The following KMT2A variants were observed in gnomAD, a reference collection of about 807,000 sequenced individuals.
The protein encoded by KMT2A is histone-lysine N-methyltransferase 2A.
KMT2A carries 16 observed loss-of-function variants against 345.3 expected under a neutral mutation model. That is an observed-to-expected ratio of 0.05 (90% confidence interval 0.03 to 0.07). KMT2A has a LOEUF of 0.07. KMT2A is among the 10% of genes least tolerant of loss of function. The pLI is 1.00. For missense variants in KMT2A, 3,272 were observed against 4,841.6 expected (o/e 0.68, Z 9.62); for synonymous variants, 1,599 against 1,778.6 (o/e 0.90, Z 2.54).
rs370812470 is a variant in KMT2A at position 118,503,096 on chromosome 11, G to T, written c.7204G>T (p.Val2402Phe). 6.2e-7 allele frequency: 1 copy of T among 1,613,000 alleles called. No individual in the cohort carries two copies. Among genetic ancestry groups the T allele is most frequent in the Non-Finnish European group, 8.5e-7 (1 of 1,180,012 alleles). ...ANSSPDEDTE[V>F]KTLKLSGMSN... ...CTCCTCTCCAGATGAAGATACTGAA[G>T]TCAAAACCTTGAAGCTATCTGGAAT... Residue 2402 changes from valine to phenylalanine, a missense_variant, in exon 27 of 36, where the codon GTC (valine) becomes TTC (phenylalanine). Transcript: ENST00000534358. This position sits in a 1 kb window ranked among gnomAD's most constrained non-coding sequence, Gnocchi z 5.3.
At chr11:118,511,640 G>A (rs528018032) in intron 30 of KMT2A, among the ~76,000 whole-genome samples, 8 of 152,292 alleles carry the variant, frequency 5.3e-5, no homozygotes, top group African/African-American at 1.7e-4. Flanking sequence ...AAACATTCAG[G>A]TGTGAGACCC....
At chr11:118,517,395 C>CAA (rs11436622) in intron 31 of KMT2A, among the ~76,000 whole-genome samples, 5,108 of 113,360 alleles carry the variant, frequency 0.045, 226 homozygotes, top group South Asian at 0.079. Flanking sequence ...GACTCTGTCT[C>CAA]AAAAAAAAAA....
rs782696657 is a variant in KMT2A, at chr11:118,502,902, A to G, written c.7010A>G (p.Gln2337Arg). The change falls in exon 27 of 36, where the codon CAG (glutamine) becomes CGG (arginine). Residue 2337 changes from glutamine (Q) to arginine (R), a missense_variant. Physicochemically the swap from Gln to Arg is conservative, Grantham distance 43. Transcript: ENST00000534358. This position sits in a 1 kb window ranked among gnomAD's most constrained non-coding sequence, Gnocchi z 4.9. ...CCTGGAATTCCTAAACTGGCCCCAC[A>G]GGTTCATAACACAACATCTAGAGAA... is the stretch of plus-strand genomic sequence containing the variant. ...AYPGIPKLAP[Q>R]VHNTTSRELN... 4 of 1,614,204 alleles carry G rather than the reference A, an allele frequency of 2.5e-6. No homozygotes were observed. The East Asian group carries it at 8.9e-5, about 36-fold the overall frequency.
At chr11:118,508,000 T>C (rs1191091519) in intron 28 of KMT2A, among the ~76,000 whole-genome samples, 1 of 152,202 alleles carries the variant, frequency 6.6e-6, no homozygotes, top group Non-Finnish European at 1.5e-5. Context: ...CTGATTCACA[T>C]TGATTTTTGT....
chr11:118,485,662 T>C (rs576395969), intron 10 of KMT2A, among the ~76,000 whole-genome samples: 1 of 152,186 alleles, frequency 6.6e-6, no homozygotes, highest in Non-Finnish European at 1.5e-5. Flanking sequence ...CAAACACTTA[T>C]GGATATAATT....
chr11:118,503,939 T>C lies in KMT2A; in HGVS notation c.8047T>C (p.Tyr2683His), dbSNP rs1555046962. Residue 2683 changes from tyrosine to histidine, a missense_variant, in exon 27 of 36, where the codon TAC (tyrosine) becomes CAC (histidine). Transcript: ENST00000534358. The surrounding 1 kb of genome is among the most constrained non-coding windows in gnomAD (Gnocchi z 5.3). The part of the protein sequence containing the change: ...DLSTSDEDDL[Y>H]YYNFTRTVIS... ...AAGCACTTCAGATGAAGACGACTTA[T>C]ACTATTACAACTTCACTAGAACAGT... 4.3e-6 allele frequency: 7 copies of C among 1,614,050 alleles called. No individual in the cohort carries two copies. The highest frequency in any genetic ancestry group is 2.5e-6 in the Non-Finnish European group (3 of 1,180,030).
intron 1 of KMT2A, chr11:118,448,198 A>G (rs1056842273): frequency 6.6e-6 from 1 of 152,430 alleles, no homozygotes; most frequent in African/African-American, 2.4e-5. Flanking sequence ...AACCAAGGAA[A>G]ACAGTAGGTG....
At chr11:118,453,821 A>G (rs1308788365) in intron 1 of KMT2A, among the ~76,000 whole-genome samples, 1 of 152,212 alleles carries the variant, frequency 6.6e-6, no homozygotes, top group Non-Finnish European at 1.5e-5. Context: ...ATATACATTG[A>G]AGCACTTGGA....
At chr11:118,444,052 A>C (rs1291095424) in intron 1 of KMT2A, among the ~76,000 whole-genome samples, 1 of 152,208 alleles carries the variant, frequency 6.6e-6, no homozygotes, top group Non-Finnish European at 1.5e-5. Context: ...TACAGCATCA[A>C]GGTAATGGTA....
chr11:118,437,612 C>T (rs1288832622), intron 1 of KMT2A, among the ~76,000 whole-genome samples: 2 of 150,006 alleles, frequency 1.3e-5, no homozygotes, highest in African/African-American at 4.9e-5. Flanking sequence ...CTCCTCTGCA[C>T]CTTGCCTGGT....
In KMT2A at chr11:118,505,027, G is replaced by C. The variant is rs782130840; in HGVS notation, c.9135G>C (p.Gln3045His). The C allele has an allele frequency of 6.2e-7, 1 of 1,614,142 alleles. No individual in the cohort carries two copies. The highest frequency in any genetic ancestry group is 8.5e-7 in the Non-Finnish European group (1 of 1,180,026). Residue 3045 changes from glutamine (Q) to histidine (H), a missense_variant, in exon 27 of 36, where the codon CAG becomes CAC. Gln to His is a conservative substitution (Grantham distance 24). Coordinates refer to ENST00000534358, the MANE Select transcript of KMT2A (RefSeq NM_001197104.2). The surrounding 1 kb of genome is among the most constrained non-coding windows in gnomAD (Gnocchi z 4.6). ...CTGTTTCCCCAACTGTTCCCATCCA[G>C]AACCAGAAGTATGTGCCCAATTCTA... is the stretch of plus-strand genomic sequence containing the variant. ...QVPVSPTVPIQNQKYVPNSTD... is the reference protein window; with the variant it reads ...QVPVSPTVPIHNQKYVPNSTD...
Position 118,484,797 on chromosome 11 carries a change from C to T in KMT2A, c.4219-65C>T. 1 of 1,051,214 alleles carries T rather than the reference C, an allele frequency of 9.5e-7. No homozygotes were observed. Among genetic ancestry groups the T allele is most frequent in the East Asian group, 2.4e-5 (1 of 42,330 alleles). The allele number at this position is 1,051,214 out of a possible 1,614,324, so 65.1% of individuals were successfully genotyped here. A position where few individuals can be genotyped will look rare whatever the true frequency, so the allele number is the denominator to read the frequency against. On this transcript the variant is annotated intron_variant, in intron 9 of 35. Transcript: ENST00000534358. The surrounding 1 kb of genome is among the most constrained non-coding windows in gnomAD (Gnocchi z 4.1). ...GTCACACTAATTTTATGCTTTTCAT[C>T]CTTATTTTCCATCCAAAGTTGTGTA...
intron 31 of KMT2A, among the ~76,000 whole-genome samples, chr11:118,516,967 T>C (rs1231080352): frequency 6.6e-6 from 1 of 152,194 alleles, no homozygotes; most frequent in Non-Finnish European, 1.5e-5. Context: ...AGTGTACATA[T>C]TAAAAGGAAC....
rs1950325654 is a variant in KMT2A, at chr11:118,491,651, T to C, written c.4820-93T>C. The C allele has an allele frequency of 3.1e-6, 3 of 979,178 alleles. No individual in the cohort carries two copies. Among genetic ancestry groups the C allele is most frequent in the East Asian group, 2.4e-5 (1 of 41,154 alleles). The allele number at this position is 979,178 out of a possible 1,614,324, so 60.7% of individuals were successfully genotyped here. ...AAATCTTAATGTGGTTCCCAACATA[T>C]GGCTTTATAGTAAGTTCAGTGGAAT... On this transcript the variant is annotated intron_variant, in intron 14 of 35. Transcript: ENST00000534358. This position sits in a 1 kb window ranked among gnomAD's most constrained non-coding sequence, Gnocchi z 4.2.
Position 118,476,689 on chromosome 11 carries a change from G to C in KMT2A, c.3157-116G>C, listed in dbSNP as rs1253014730. On this transcript the variant is annotated intron_variant, in intron 3 of 35. Transcript: ENST00000534358. This position sits in a 1 kb window ranked among gnomAD's most constrained non-coding sequence, Gnocchi z 4.1. ...ATGATTTATCAGCTGGGAATAATTA[G>C]AGTTGTGTGTTTTGATTCTAAATCA... The C allele has an allele frequency of 2.6e-6, 2 of 766,650 alleles. No homozygotes were observed. The highest frequency in any genetic ancestry group is 5.2e-5 in the East Asian group (2 of 38,316). 47.5% of individuals were successfully genotyped at this position (766,650 alleles called of 1,614,324 possible).
chr11:118,442,939 G>C (rs782744952), intron 1 of KMT2A, among the ~76,000 whole-genome samples: 4 of 152,092 alleles, frequency 2.6e-5, no homozygotes, highest in Non-Finnish European at 4.4e-5. Context: ...GACCCAGATG[G>C]CTTCATTGAT....
At chr11:118,438,641 C>T (rs922389810) in intron 1 of KMT2A, among the ~76,000 whole-genome samples, 4 of 152,136 alleles carry the variant, frequency 2.6e-5, no homozygotes, top group African/African-American at 9.7e-5. Flanking sequence ...TATTGTGCCC[C>T]GCACCCCTTT....
chr11:118,525,594 T>TA lies in KMT2A; in HGVS notation c.*3430dup, dbSNP rs61084765. The TA allele has an allele frequency of 4.7e-5, 10 of 214,798 alleles. No homozygotes were observed. The highest frequency in any genetic ancestry group is 6.4e-5 in the Non-Finnish European group (7 of 108,938). The allele number at this position is 214,798 out of a possible 1,614,324, so 13.3% of individuals were successfully genotyped here. A position where few individuals can be genotyped will look rare whatever the true frequency, so the allele number is the denominator to read the frequency against. ...TGAGCACCATGTAGCTCCCTTGATT[T>TA]AAAAAAAATAAAAAATAAAAAAAAA... On this transcript the variant is annotated 3_prime_UTR_variant, in exon 36 of 36. Coordinates refer to ENST00000534358, the MANE Select transcript of KMT2A (RefSeq NM_001197104.2).
Position 118,495,885 on chromosome 11 carries a change from C to T in KMT2A, c.5549C>T (p.Pro1850Leu), listed in dbSNP as rs772645105. ...SPTPLHPPTP[P>L]ILSTDRSRED... ...ACTCCTCTGCATCCTCCTACACCAC[C>T]AATTTTGAGTAAGCCACCAAAAGGA... Residue 1850 changes from proline (P) to leucine (L), a missense_variant, in exon 19 of 36, where the codon CCA (proline) becomes CTA (leucine). Coordinates refer to ENST00000534358, the MANE Select transcript of KMT2A (RefSeq NM_001197104.2). This position sits in a 1 kb window ranked among gnomAD's most constrained non-coding sequence, Gnocchi z 4.1. 1.6e-5 allele frequency: 26 copies of T among 1,603,560 alleles called. No individual in the cohort carries two copies. Among genetic ancestry groups the T allele is most frequent in the Non-Finnish European group, 2.2e-5 (26 of 1,174,532 alleles).
Sources: gnomAD v4.1 joint callset for allele counts (sites outside exome capture counted in the v4.1 genomes callset) on GRCh38, gnomAD v4.1.1 for gene constraint, Gnocchi (gnomAD v3.1) non-coding constraint, MANE v1.5 for transcripts, NCBI Gene and HGNC (gene_info 2026-07-23, HGNC 2026-07-21) for gene names.